The following ITPK1 variants were observed in gnomAD, a reference collection of about 807,000 sequenced individuals.
The protein encoded by ITPK1 is inositol-tetrakisphosphate 1-kinase.
ITPK1 carries 21 observed loss-of-function variants against 45.3 expected under a neutral mutation model. That is an observed-to-expected ratio of 0.46 (90% CI 0.33 to 0.67). The LOEUF is 0.67. Among genes scored for constraint, ITPK1 ranks in the 30% least tolerant of loss-of-function variants. ITPK1 has a pLI of 0.02. For missense variants in ITPK1, 474 were observed against 573.5 expected, an observed-to-expected ratio of 0.83 and a Z score of 1.77; for synonymous variants, 258 against 253.6, an observed-to-expected ratio of 1.02 and a Z score of -0.16.
chr14:93,106,734 G>A (rs1182189150), intron 2 of ITPK1, among the ~76,000 whole-genome samples: 1 of 152,064 alleles, frequency 6.6e-6, no homozygotes, highest in Non-Finnish European at 1.5e-5. Context: ...TGTACATGCC[G>A]GCAAGGACCA....
At chr14:92,997,531 A>G (rs1470228492) in intron 4 of ITPK1, among the ~76,000 whole-genome samples, 3 of 152,238 alleles carry the variant, frequency 2.0e-5, no homozygotes, top group South Asian at 2.1e-4. Context: ...ACTATCCACA[A>G]GCGGACTTTG....
At chr14:92,977,112 T>A (rs1490045070) in intron 5 of ITPK1, among the ~76,000 whole-genome samples, 2 of 152,234 alleles carry the variant, frequency 1.3e-5, no homozygotes, top group African/African-American at 4.8e-5. Context: ...AGGATTGCTG[T>A]AAGGATCAAA....
At chr14:93,066,345 G>GGC (rs1566766273) in intron 3 of ITPK1, 2 of 426,886 alleles carry the variant, frequency 4.7e-6, no homozygotes. Context: ...TGTGTGTAGG[G>GGC]GGCAGAGGCG....
chr14:93,094,710 C>A (rs1022787530), intron 2 of ITPK1, among the ~76,000 whole-genome samples: 27 of 152,242 alleles, frequency 1.8e-4, no homozygotes, highest in Admixed American at 1.0e-3. Flanking sequence ...TGTGTCCACA[C>A]CTGGCAGTCA....
chr14:92,954,216 G>A (rs1888091394), intron 8 of ITPK1, among the ~76,000 whole-genome samples: 1 of 152,184 alleles, frequency 6.6e-6, no homozygotes, highest in Non-Finnish European at 1.5e-5. Context: ...TTCTGACCTG[G>A]GAGCTCTGGC....
chr14:92,940,093 C>T lies in ITPK1; in HGVS notation c.*1468G>A. The stretch of plus-strand genomic sequence containing the variant: ...CTCGCCCAAGCCCTGTGCCTCCCTC[C>T]TCAAAGTGGGCATCCTGCAGCCCAG... On this transcript the variant is annotated 3_prime_UTR_variant, in exon 11 of 11. Transcript: ENST00000267615. 2 of 985,872 alleles carry T rather than the reference C, an allele frequency of 2.0e-6. No individual in the cohort carries two copies. The highest frequency in any genetic ancestry group is 2.4e-6 in the Non-Finnish European group (2 of 830,068). 61.1% of individuals were successfully genotyped at this position (985,872 alleles called of 1,614,324 possible). A position where few individuals can be genotyped will look rare whatever the true frequency, so the allele number is the denominator to read the frequency against.
intron 4 of ITPK1, among the ~76,000 whole-genome samples, chr14:93,003,803 T>C (rs1056302690): frequency 6.6e-6 from 1 of 152,214 alleles, no homozygotes; most frequent in Non-Finnish European, 1.5e-5. Flanking sequence ...TGGGGCACTG[T>C]GCAAGTTGAA....
intron 2 of ITPK1, among the ~76,000 whole-genome samples, chr14:93,078,403 G>C (rs1013978326): frequency 3.3e-5 from 5 of 152,174 alleles, no homozygotes; most frequent in African/African-American, 1.2e-4. Context: ...GAAGACAGAG[G>C]CCAAGGAGAG....
chr14:93,040,131 C>T (rs1294163901), intron 3 of ITPK1, among the ~76,000 whole-genome samples: 1 of 152,238 alleles, frequency 6.6e-6, no homozygotes, highest in Non-Finnish European at 1.5e-5. Flanking sequence ...TCTTTAAAAC[C>T]GCATATCCAC....
chr14:93,112,608 T>G (rs572178271), intron 2 of ITPK1, among the ~76,000 whole-genome samples: 1 of 151,980 alleles, frequency 6.6e-6, no homozygotes, highest in East Asian at 1.9e-4. Flanking sequence ...CCCGGCTAAT[T>G]TTTGTATTTT....
chr14:92,993,852 A>T, intron 5 of ITPK1, 28 bp downstream of exon 5: 1 of 1,451,476 alleles, frequency 6.9e-7, no homozygotes, highest in Non-Finnish European at 9.7e-7. Flanking sequence ...GCTGCCTGCC[A>T]CGGATGTGGT....
intron 7 of ITPK1, among the ~76,000 whole-genome samples, chr14:92,961,788 T>C (rs958649700): frequency 1.3e-5 from 2 of 152,142 alleles, no homozygotes; most frequent in African/African-American, 4.8e-5. Flanking sequence ...TATCTGGAGG[T>C]GGGGCCTTTG....
In ITPK1 at chr14:93,014,206, G is replaced by A. The variant is rs1888058936; in HGVS notation, c.246+2470C>T. On this transcript the variant is annotated intron_variant, in intron 4 of 10. Transcript: ENST00000267615. This position sits in a 1 kb window ranked among gnomAD's most constrained non-coding sequence, Gnocchi z 4.4. ...CCAAGACCCAGACAAGACACTGCCT[G>A]AGAAATGCACCTGTGGCTGCCTGAC... Among the ~76,000 whole-genome samples the A allele has an allele frequency of 2.0e-5, 3 of 152,334 alleles. No homozygotes were observed. Among genetic ancestry groups the A allele is most frequent in the Middle Eastern group, 6.8e-3 (2 of 294 alleles).
chr14:92,951,176 C>T (rs1230933903), intron 9 of ITPK1, among the ~76,000 whole-genome samples: 2 of 152,246 alleles, frequency 1.3e-5, no homozygotes, highest in African/African-American at 4.8e-5. Flanking sequence ...TGGCAGAGGG[C>T]TCTTGAGTTT....
intron 5 of ITPK1, among the ~76,000 whole-genome samples, chr14:92,986,058 A>G (rs569361299): frequency 6.6e-6 from 1 of 152,304 alleles, no homozygotes; most frequent in Non-Finnish European, 1.5e-5. Context: ...TGTGGGTCCC[A>G]TGGAGACAGC....
chr14:93,016,100 C>T lies in ITPK1; in HGVS notation c.246+576G>A, dbSNP rs1422066101. Among the ~76,000 whole-genome samples the T allele has an allele frequency of 1.3e-5, 2 of 152,194 alleles. No homozygotes were observed. The highest frequency in any genetic ancestry group is 1.5e-5 in the Non-Finnish European group (1 of 68,024). ...GACAAGTCAGTAGCCAGCATGAGAACCCCAGGGCAGTGGGCAGGTCACTGT... is the reference window on the plus strand; with the variant it reads ...GACAAGTCAGTAGCCAGCATGAGAATCCCAGGGCAGTGGGCAGGTCACTGT... On this transcript the variant is annotated intron_variant, in intron 4 of 10. Coordinates refer to ENST00000267615, the MANE Select transcript of ITPK1 (RefSeq NM_014216.6). The surrounding 1 kb of genome is among the most constrained non-coding windows in gnomAD (Gnocchi z 5.0).
chr14:93,067,968 A>G (rs1327111399), intron 3 of ITPK1: 1 of 152,594 alleles, frequency 6.6e-6, no homozygotes, highest in Non-Finnish European at 1.5e-5. Context: ...TGGAATCCAC[A>G]ATTGTTAGAA....
chr14:93,086,604 T>C (rs932995543), intron 2 of ITPK1, among the ~76,000 whole-genome samples: 6 of 151,996 alleles, frequency 3.9e-5, no homozygotes, highest in African/African-American at 1.5e-4. Context: ...CTACATGCCA[T>C]GCCCTCTGGC....
chr14:93,087,324 G>A (rs1435452005), intron 2 of ITPK1, among the ~76,000 whole-genome samples: 2 of 152,146 alleles, frequency 1.3e-5, no homozygotes, highest in African/African-American at 2.4e-5. Flanking sequence ...GGTAATGCAG[G>A]AACATTTTCT....
Sources: gnomAD v4.1 joint callset for allele counts (sites outside exome capture counted in the v4.1 genomes callset) on GRCh38, gnomAD v4.1.1 for gene constraint, Gnocchi (gnomAD v3.1) non-coding constraint, MANE v1.5 for transcripts, NCBI Gene and HGNC (gene_info 2026-07-23, HGNC 2026-07-21) for gene names.